TNFRSF10B: variants seen among roughly 807,000 people sequenced by gnomAD.
TNFRSF10B encodes TNF receptor superfamily member 10b.
In TNFRSF10B, 35 loss-of-function variants were observed where a neutral mutation model predicts 41.4. The observed-to-expected ratio is 0.85, with a 90% confidence interval of 0.65 to 1.12. The LOEUF is 1.12. TNFRSF10B is among the 50% of genes most tolerant of loss of function. TNFRSF10B has a pLI of 0.00. For synonymous variants in TNFRSF10B, 230 were observed against 215.5 expected (o/e 1.07, Z -0.59); for missense variants, 584 against 552.7 (o/e 1.06, Z -0.57).
chr8:23,037,632 C>G (rs759139155), intron 2 of TNFRSF10B, among the ~76,000 whole-genome samples: 26 of 152,166 alleles, frequency 1.7e-4, no homozygotes, highest in Non-Finnish European at 3.4e-4. Context: ...TGGGCCTGTG[C>G]TCATGGAATT....
At chr8:23,049,943 C>A (rs1199717350) in intron 1 of TNFRSF10B, 1 of 152,276 alleles carries the variant, frequency 6.6e-6, no homozygotes, top group Non-Finnish European at 1.5e-5. Flanking sequence ...TGGTAGCTTG[C>A]GATGAGACAG....
chr8:23,064,956 C>T (rs1057301338), intron 1 of TNFRSF10B, among the ~76,000 whole-genome samples: 5 of 152,208 alleles, frequency 3.3e-5, no homozygotes, highest in African/African-American at 1.2e-4. Flanking sequence ...GACCTGGAGC[C>T]TTGGGACTGC....
chr8:23,028,574 C>T lies in TNFRSF10B; in HGVS notation c.505G>A (p.Asp169Asn). Residue 169 changes from aspartate (D) to asparagine (N), a missense_variant, in exon 5 of 9, where the codon GAT (aspartate) becomes AAT (asparagine). Physicochemically the swap from Asp to Asn is conservative, Grantham distance 23. Coordinates refer to ENST00000276431, the MANE Select transcript of TNFRSF10B (RefSeq NM_003842.5). ...TCGATGTCACTCCAGGGTGTACAAT[C>T]ACCGACCTTGACCATCCCTCTGGGA... The part of the protein sequence containing the change: ...GCPRGMVKVG[D>N]CTPWSDIECV... The T allele has an allele frequency of 6.2e-7, 1 of 1,614,102 alleles. No individual in the cohort carries two copies.
intron 2 of TNFRSF10B, among the ~76,000 whole-genome samples, chr8:23,041,740 T>A (rs1448770699): frequency 1.3e-5 from 2 of 151,872 alleles, no homozygotes; most frequent in African/African-American, 4.8e-5. Flanking sequence ...TTTCGAGGAG[T>A]TTCCACATCT....
At chr8:23,045,631 TAAGAA>T (rs1812335542) in intron 1 of TNFRSF10B, among the ~76,000 whole-genome samples, 1 of 152,078 alleles carries the variant, frequency 6.6e-6, no homozygotes, top group Non-Finnish European at 1.5e-5. Context: ...TAGAACACTG[TAAGAA>T]AAGAAAATTA....
chr8:23,028,750 G>C (rs1811789780), intron 4 of TNFRSF10B, 148 bp from the exon 5 acceptor site: 1 of 1,004,768 alleles, frequency 1.0e-6, no homozygotes, highest in East Asian at 2.5e-5. Flanking sequence ...GTCCCCCTGT[G>C]CTCCCTTCTT....
chr8:23,025,052 G>T (rs1811662684), intron 7 of TNFRSF10B, among the ~76,000 whole-genome samples: 1 of 152,208 alleles, frequency 6.6e-6, no homozygotes, highest in Non-Finnish European at 1.5e-5. Flanking sequence ...TCAGAAGCCG[G>T]TAAGTCCGAG....
At position 23,041,382 on chromosome 8, in the gene TNFRSF10B, T is replaced by C. The variant is rs142218237; in HGVS notation, c.250+1756A>G. Reference sequence around the variant, plus strand: ...TTATATGGGAATTTTTATTAGAATTTTGGACCCAGCGCAGTGGCTCACGCC... The same window carrying C: ...TTATATGGGAATTTTTATTAGAATTCTGGACCCAGCGCAGTGGCTCACGCC... On this transcript the variant is annotated intron_variant, in intron 2 of 8. Coordinates refer to ENST00000276431, the MANE Select transcript of TNFRSF10B (RefSeq NM_003842.5). Among the ~76,000 whole-genome samples, 10 of 152,086 alleles carry C rather than the reference T, an allele frequency of 6.6e-5. No individual in the cohort carries two copies. The East Asian group carries it at 1.9e-3, about 30-fold the overall frequency.
chr8:23,056,267 C>T (rs891562416), intron 1 of TNFRSF10B, among the ~76,000 whole-genome samples: 1 of 152,152 alleles, frequency 6.6e-6, no homozygotes, highest in South Asian at 2.1e-4. Context: ...ACGATATTAC[C>T]TTAATGCCCA....
At chr8:23,061,613 A>C (rs1812832502) in intron 1 of TNFRSF10B, among the ~76,000 whole-genome samples, 1 of 152,172 alleles carries the variant, frequency 6.6e-6, no homozygotes, top group African/African-American at 2.4e-5. Context: ...TGTTGTTCTT[A>C]ATCTTAAAGG....
At position 23,020,764 on chromosome 8, in the gene TNFRSF10B, G is replaced by T. The variant is rs1374889316; in HGVS notation, c.*1907C>A. ...CACTCTAGATGCATCTTCTAGGAAG[G>T]CCTCTGTGGAAGGGACAAGGGACCT... On this transcript the variant is annotated 3_prime_UTR_variant, in exon 9 of 9. Coordinates refer to ENST00000276431, the MANE Select transcript of TNFRSF10B (RefSeq NM_003842.5). 2.2e-6 allele frequency: 1 copy of T among 454,058 alleles called. No individual in the cohort carries two copies. The highest frequency in any genetic ancestry group is 6.9e-5 in the East Asian group (1 of 14,394). The allele number at this position is 454,058 out of a possible 1,614,324, so 28.1% of individuals were successfully genotyped here. A position where few individuals can be genotyped will look rare whatever the true frequency, so the allele number is the denominator to read the frequency against.
At chr8:23,035,570 A>G (rs1033096765) in intron 2 of TNFRSF10B, among the ~76,000 whole-genome samples, 1 of 152,216 alleles carries the variant, frequency 6.6e-6, no homozygotes, top group Non-Finnish European at 1.5e-5. Context: ...ATGGTAAGAC[A>G]TTTGCATGTC....
intron 2 of TNFRSF10B, among the ~76,000 whole-genome samples, chr8:23,031,375 C>CTATT (rs61141147): frequency 0.41 from 56,956 of 140,310 alleles, 12,158 homozygotes; most frequent in East Asian, 0.57. Flanking sequence ...TGCACCCGGC[C>CTATT]TATTTATTTA....
chr8:23,037,491 C>G (rs1177719821), intron 2 of TNFRSF10B, among the ~76,000 whole-genome samples: 1 of 152,224 alleles, frequency 6.6e-6, no homozygotes, highest in East Asian at 1.9e-4. Context: ...CTTGCCTTCC[C>G]TGCATGCAAT....
intron 2 of TNFRSF10B, among the ~76,000 whole-genome samples, chr8:23,040,270 TATATATAATATATATTTATTAA>T (rs1314972211): frequency 8.8e-5 from 11 of 125,126 alleles, no homozygotes; most frequent in Non-Finnish European, 1.2e-4. Flanking sequence ...TTATTAAATA[TATATATAATATATATTTATTAA>T]ATATATATAA....
At chr8:23,033,647 G>C (rs1042921814) in intron 2 of TNFRSF10B, among the ~76,000 whole-genome samples, 29 of 138,548 alleles carry the variant, frequency 2.1e-4, no homozygotes, top group Admixed American at 9.9e-4. Flanking sequence ...TAACTATTTA[G>C]GTAAATATAA....
In TNFRSF10B at chr8:23,028,872, T is replaced by C. The variant is rs75245739; in HGVS notation, c.477-270A>G. Among the ~76,000 whole-genome samples the C allele has an allele frequency of 3.2e-4, 48 of 152,312 alleles. 1 individual carries two copies. In the East Asian group the frequency reaches 7.1e-3, roughly 23 times the overall value. On this transcript the variant is annotated intron_variant, in intron 4 of 8. Coordinates refer to ENST00000276431, the MANE Select transcript of TNFRSF10B (RefSeq NM_003842.5). Reference sequence around the variant, plus strand: ...GTGCTGGGCACACACTGAGCTTCCCTGGGCTGCAGGGGAGGCCTGCGTTAG... The same window carrying C: ...GTGCTGGGCACACACTGAGCTTCCCCGGGCTGCAGGGGAGGCCTGCGTTAG...
intron 1 of TNFRSF10B, among the ~76,000 whole-genome samples, chr8:23,051,928 C>T (rs1363589673): frequency 6.6e-6 from 1 of 152,120 alleles, no homozygotes; most frequent in Non-Finnish European, 1.5e-5. Flanking sequence ...GGACTGTTAT[C>T]ACATTTGTTT....
rs539010874 is a variant in TNFRSF10B, at chr8:23,023,043, T to G, written c.1010-59A>C. On this transcript the variant is annotated intron_variant, in intron 8 of 8. Transcript: ENST00000276431. The stretch of plus-strand genomic sequence containing the variant: ...GTTGGGACTCAGAAAGGGCAGAGGA[T>G]TCCACATCAGGCCCAGAACCCAAGG... 2.6e-4 allele frequency: 414 copies of G among 1,588,532 alleles called. 1 individual carries two copies. In the East Asian group the frequency reaches 7.8e-3, roughly 30 times the overall value.
Sources: allele counts gnomAD v4.1 joint callset (sites outside exome capture counted in the v4.1 genomes callset), GRCh38; gene constraint gnomAD v4.1.1; transcripts MANE v1.5; gene names NCBI Gene and HGNC (gene_info 2026-07-23, HGNC 2026-07-21).